The following LRRTM4 variants were observed in gnomAD, a reference collection of about 807,000 sequenced individuals.
The protein encoded by LRRTM4 is leucine rich repeat transmembrane neuronal 4, also known as leucine-rich repeat transmembrane neuronal protein 4.
A neutral mutation model predicts 47.6 loss-of-function variants in LRRTM4; 25 were observed. The ratio of observed to expected loss-of-function variants is 0.53; its 90% confidence interval spans 0.38 to 0.73. The LOEUF (loss-of-function observed/expected upper bound fraction) is 0.73. Among genes scored for constraint, LRRTM4 ranks in the 30% least tolerant of loss-of-function variants. The pLI, the probability that LRRTM4 is intolerant of heterozygous loss-of-function variation, is 0.00. For missense variants in LRRTM4, 638 were observed against 713.4 expected, an observed-to-expected ratio of 0.89 and a Z score of 1.20; for synonymous variants, 311 against 269.5, an observed-to-expected ratio of 1.15 and a Z score of -1.51.
chr2:77,274,025 A>G (rs948892798), intron 3 of LRRTM4, among the ~76,000 whole-genome samples: 2 of 152,000 alleles, frequency 1.3e-5, no homozygotes, highest in African/African-American at 2.4e-5. Context: ...GAGATTCATT[A>G]GTTTGATTAC....
At chr2:76,809,342 G>A (rs576583026) in intron 3 of LRRTM4, among the ~76,000 whole-genome samples, 1 of 152,168 alleles carries the variant, frequency 6.6e-6, no homozygotes, top group East Asian at 1.9e-4. Flanking sequence ...GATGTTTGCA[G>A]TCCCTCACTC....
intron 3 of LRRTM4, among the ~76,000 whole-genome samples, chr2:77,224,091 G>C (rs1170610635): frequency 3.7e-4 from 56 of 151,070 alleles, no homozygotes; most frequent in Admixed American, 2.6e-3. Flanking sequence ...ACAAACCTGA[G>C]AAAAACAAGC....
chr2:77,017,860 G>A (rs1678123343), intron 3 of LRRTM4, among the ~76,000 whole-genome samples: 1 of 151,908 alleles, frequency 6.6e-6, no homozygotes, highest in Non-Finnish European at 1.5e-5. Flanking sequence ...TAGCAAGTCT[G>A]CATAATCACC....
chr2:77,089,426 C>T (rs971254644), intron 3 of LRRTM4, among the ~76,000 whole-genome samples: 3 of 151,566 alleles, frequency 2.0e-5, no homozygotes, highest in South Asian at 4.2e-4. Flanking sequence ...CCCTTATTTC[C>T]GCGCCCCAAC....
rs78394586 is a variant in LRRTM4 at position 77,379,414 on chromosome 2, C to G, written c.1551+138904G>C. 4.7e-4 allele frequency among the ~76,000 whole-genome samples: 72 copies of G among 152,202 alleles called. 1 individual carries two copies. The East Asian group carries it at 0.014, about 29-fold the overall frequency. The stretch of plus-strand genomic sequence containing the variant: ...CAAAGAAAATATACAACTACACTCT[C>G]TCCTCCAATTATATCTGACATTCAG... On this transcript the variant is annotated intron_variant, in intron 3 of 3. Transcript: ENST00000409884.
At chr2:77,278,577 A>G (rs1420262370) in intron 3 of LRRTM4, among the ~76,000 whole-genome samples, 1 of 151,984 alleles carries the variant, frequency 6.6e-6, no homozygotes, top group African/African-American at 2.4e-5. Flanking sequence ...CCCAAAAGGT[A>G]TATAGGAAGA....
At chr2:77,013,618 T>A (rs1389376402) in intron 3 of LRRTM4, among the ~76,000 whole-genome samples, 1 of 151,822 alleles carries the variant, frequency 6.6e-6, no homozygotes, top group Admixed American at 6.6e-5. Context: ...CGAGTTACAA[T>A]AGTCTTTGGC....
chr2:77,238,174 A>T (rs896803684), intron 3 of LRRTM4, among the ~76,000 whole-genome samples: 1 of 152,148 alleles, frequency 6.6e-6, no homozygotes, highest in African/African-American at 2.4e-5. Context: ...CTATTATATC[A>T]GATGCTAGAT....
At chr2:77,294,156 T>G (rs995664806) in intron 3 of LRRTM4, among the ~76,000 whole-genome samples, 17 of 152,110 alleles carry the variant, frequency 1.1e-4, no homozygotes, top group Non-Finnish European at 2.2e-4. Context: ...TCTCTGTTTT[T>G]GTTTTTTGGA....
At chr2:77,339,416 C>A (rs923896024) in intron 3 of LRRTM4, among the ~76,000 whole-genome samples, 5 of 151,748 alleles carry the variant, frequency 3.3e-5, no homozygotes, top group Admixed American at 1.3e-4. Context: ...CTTTTCTCCC[C>A]TTTAATTCTA....
intron 3 of LRRTM4, among the ~76,000 whole-genome samples, chr2:77,285,540 A>C (rs1676632408): frequency 6.6e-6 from 1 of 151,552 alleles, no homozygotes; most frequent in Non-Finnish European, 1.5e-5. Flanking sequence ...TCAGGAGTTC[A>C]AGACTAGTTT....
chr2:77,421,406 C>T (rs1397088790), intron 3 of LRRTM4, among the ~76,000 whole-genome samples: 1 of 152,086 alleles, frequency 6.6e-6, no homozygotes, highest in Non-Finnish European at 1.5e-5. Flanking sequence ...GCGTTACTGC[C>T]ATCTGGAAGG....
intron 3 of LRRTM4, among the ~76,000 whole-genome samples, chr2:76,805,922 C>G (rs942287311): frequency 3.9e-5 from 6 of 152,136 alleles, no homozygotes; most frequent in African/African-American, 1.2e-4. Context: ...AAATCTTTCT[C>G]TATCTCTGTT....
intron 3 of LRRTM4, among the ~76,000 whole-genome samples, chr2:77,345,165 A>G (rs1271518640): frequency 6.6e-6 from 1 of 151,718 alleles, no homozygotes; most frequent in African/African-American, 2.4e-5. Flanking sequence ...GAACAGAAAA[A>G]AATGAATAAA....
chr2:77,124,056 T>C (rs1370648619), intron 3 of LRRTM4, among the ~76,000 whole-genome samples: 2 of 151,808 alleles, frequency 1.3e-5, no homozygotes, highest in Admixed American at 6.6e-5. Context: ...GTGAGTGAAG[T>C]AGTGATCTAC....
chr2:76,889,414 AAT>A (rs937752052), intron 3 of LRRTM4, among the ~76,000 whole-genome samples: 2 of 152,052 alleles, frequency 1.3e-5, no homozygotes, highest in Non-Finnish European at 2.9e-5. Context: ...TCTTTCTTGA[AAT>A]ATGTCTTTCG....
chr2:76,951,211 A>C (rs1558758029), intron 3 of LRRTM4, among the ~76,000 whole-genome samples: 1 of 152,066 alleles, frequency 6.6e-6, no homozygotes, highest in Non-Finnish European at 1.5e-5. Flanking sequence ...AGCTGAAGTG[A>C]TTAGCAGTGT....
At chr2:76,787,582 T>A (rs1256731570) in intron 3 of LRRTM4, among the ~76,000 whole-genome samples, 1 of 152,058 alleles carries the variant, frequency 6.6e-6, no homozygotes, top group Non-Finnish European at 1.5e-5. Context: ...AAAATTTTTT[T>A]TTTTTAGTGT....
chr2:77,006,910 G>C (rs1018670675), intron 3 of LRRTM4, among the ~76,000 whole-genome samples: 2 of 152,094 alleles, frequency 1.3e-5, no homozygotes, highest in African/African-American at 4.8e-5. Context: ...TGTACCAAAT[G>C]TGTCTCTAGC....
Sources: allele counts gnomAD v4.1 joint callset (sites outside exome capture counted in the v4.1 genomes callset), GRCh38; gene constraint gnomAD v4.1.1; transcripts MANE v1.5; gene names NCBI Gene and HGNC (gene_info 2026-07-23, HGNC 2026-07-21).